TRAPPC11: variants seen among roughly 807,000 people sequenced by gnomAD.
The protein encoded by TRAPPC11 is trafficking protein particle complex subunit 11, also known as foie gras homolog.
A neutral mutation model predicts 151.2 loss-of-function variants in TRAPPC11; 104 were observed. That is an observed-to-expected ratio of 0.69 (90% CI 0.59 to 0.81). The LOEUF (loss-of-function observed/expected upper bound fraction) is 0.81. Among genes scored for constraint, TRAPPC11 ranks in the 30% least tolerant of loss-of-function variants. The probability of loss-of-function intolerance (pLI) is 0.00; values close to 1 mark genes in which losing one functional copy is unlikely to be tolerated. For missense variants in TRAPPC11, 1,230 were observed against 1,349.6 expected (o/e 0.91, Z 1.39); for synonymous variants, 456 against 472.3 (o/e 0.97, Z 0.45).
At chr4:183,692,880 GA>G in intron 19 of TRAPPC11, 79 bp from the exon 20 acceptor site, 1 of 1,326,160 alleles carries the variant, frequency 7.5e-7, no homozygotes. Context: ...CTTAGCAGTC[GA>G]CGATGTAATT....
At position 183,685,267 on chromosome 4, in the gene TRAPPC11, G is replaced by A. The variant is rs1031519374; in HGVS notation, c.1630-4G>A. 1.2e-6 allele frequency: 2 copies of A among 1,613,266 alleles called. No individual in the cohort carries two copies. The highest frequency in any genetic ancestry group is 2.2e-5 in the South Asian group (2 of 91,070). On this transcript the variant is annotated splice_polypyrimidine_tract_variant and splice_region_variant and intron_variant, in intron 16 of 29. Coordinates refer to ENST00000334690, the MANE Select transcript of TRAPPC11 (RefSeq NM_021942.6). The stretch of plus-strand genomic sequence containing the variant: ...GAATGGATGTTAACTCTGTGTTGAT[G>A]CAGAATGAAAGTCCTGATCCAGAAC...
intron 18 of TRAPPC11, among the ~76,000 whole-genome samples, chr4:183,687,029 A>C (rs1451161975): frequency 6.6e-6 from 1 of 152,038 alleles, no homozygotes; most frequent in South Asian, 2.1e-4. Context: ...AAATACAAAA[A>C]AATCTGCTGG....
At chr4:183,660,967 CT>C (rs1734473603) in intron 1 of TRAPPC11, among the ~76,000 whole-genome samples, 1 of 152,082 alleles carries the variant, frequency 6.6e-6, no homozygotes, top group South Asian at 2.1e-4. Context: ...CCGCCTTGGC[CT>C]CCCAAAGTGC....
chr4:183,702,399 GA>G (rs965757222), intron 26 of TRAPPC11, among the ~76,000 whole-genome samples: 13 of 151,220 alleles, frequency 8.6e-5, no homozygotes, highest in African/African-American at 1.9e-4. Context: ...AAAAATGGGG[GA>G]AAAAAACGTA....
At chr4:183,685,217 AGTAGT>A (rs998232002) in intron 16 of TRAPPC11, 49 bp from the exon 17 acceptor site, 21 of 1,609,448 alleles carry the variant, frequency 1.3e-5, no homozygotes, top group Non-Finnish European at 1.7e-5. Flanking sequence ...AACTAATCCA[AGTAGT>A]GGTTTTTATT....
In TRAPPC11 at chr4:183,663,984, C is replaced by T; in HGVS notation, c.117C>T (p.Ala39=). ...CAGTCCATCGAGCTGTCTGGGACGC[C>T]TTCTGTGCAAATCGGAGAGCTGATC... ...YNAVHRAVWD[A]FCANRRADRV... is the part of the protein sequence containing the mutation. Residue 39 remains alanine, a synonymous_variant, in exon 2 of 30, where the codon GCC becomes GCT. Coordinates refer to ENST00000334690, the MANE Select transcript of TRAPPC11 (RefSeq NM_021942.6). The T allele has an allele frequency of 6.2e-7, 1 of 1,614,070 alleles. No individual in the cohort carries two copies.
At position 183,669,723 on chromosome 4, in the gene TRAPPC11, G is replaced by C. The variant is rs904702426; in HGVS notation, c.560+1606G>C. 2.0e-5 allele frequency among the ~76,000 whole-genome samples: 3 copies of C among 152,270 alleles called. No individual in the cohort carries two copies. In the South Asian group the frequency reaches 6.2e-4, roughly 32 times the overall value. Reference sequence around the variant, plus strand: ...CAGGGATGTTGCCACACACTCTACAGCGTACAGGACAGCCCTGCACAACAA... The same window carrying C: ...CAGGGATGTTGCCACACACTCTACACCGTACAGGACAGCCCTGCACAACAA... On this transcript the variant is annotated intron_variant, in intron 5 of 29. Transcript: ENST00000334690.
intron 11 of TRAPPC11, 71 bp downstream of exon 11, chr4:183,682,896 T>C (rs1194018046): frequency 2.9e-6 from 3 of 1,020,040 alleles, no homozygotes; most frequent in African/African-American, 1.6e-5. Context: ...AGATTTTCCA[T>C]TGGCTGCACA....
intron 26 of TRAPPC11, among the ~76,000 whole-genome samples, chr4:183,703,837 T>A (rs1210316685): frequency 6.6e-6 from 1 of 152,220 alleles, no homozygotes; most frequent in Non-Finnish European, 1.5e-5. Flanking sequence ...TTTAACAGTT[T>A]CATAATGTTA....
Position 183,693,136 on chromosome 4 carries a change from G to C in TRAPPC11, c.2226G>C (p.Gln742His). Residue 742 changes from glutamine to histidine, a missense_variant, in exon 20 of 30, where the codon CAG becomes CAC. Physicochemically the swap from Gln to His is conservative, Grantham distance 24. Coordinates refer to ENST00000334690, the MANE Select transcript of TRAPPC11 (RefSeq NM_021942.6). The stretch of plus-strand genomic sequence containing the variant: ...TTCACTGGGACAGCATTATAATTCA[G>C]GCAAGCACAATGTAAGTCTGCTTTG... The part of the protein sequence containing the change: ...NEVHWDSIII[Q>H]ASTMIISRVP... 6.3e-7 allele frequency: 1 copy of C among 1,598,688 alleles called. No homozygotes were observed. The highest frequency in any genetic ancestry group is 8.5e-7 in the Non-Finnish European group (1 of 1,170,506).
At position 183,708,641 on chromosome 4, in the gene TRAPPC11, G is replaced by A. The variant is rs9312318; in HGVS notation, c.3357+67G>A. The A allele has an allele frequency of 0.32, 471,682 of 1,460,666 alleles. 78,306 individuals carry two copies. The highest frequency in any genetic ancestry group is 0.41 in the Middle Eastern group (2,005 of 4,938). The allele number at this position is 1,460,666 out of a possible 1,614,324, so 90.5% of individuals were successfully genotyped here. Reference sequence around the variant, plus strand: ...AAAAACAAACAGACTTCTTTTTCATGTAAACTTCACTGAACAGTATTTTGA... The same window carrying A: ...AAAAACAAACAGACTTCTTTTTCATATAAACTTCACTGAACAGTATTTTGA... On this transcript the variant is annotated intron_variant, in intron 29 of 29. Coordinates refer to ENST00000334690, the MANE Select transcript of TRAPPC11 (RefSeq NM_021942.6).
At chr4:183,664,281 A>G (rs1734728624) in intron 2 of TRAPPC11, among the ~76,000 whole-genome samples, 1 of 152,156 alleles carries the variant, frequency 6.6e-6, no homozygotes, top group Non-Finnish European at 1.5e-5. Flanking sequence ...ATTACTTTAT[A>G]AAGCTTTCTA....
chr4:183,667,166 T>A, intron 4 of TRAPPC11, 36 bp downstream of exon 4: 7 of 1,529,562 alleles, frequency 4.6e-6, no homozygotes, highest in Non-Finnish European at 6.3e-6. Flanking sequence ...AATTGTTTTA[T>A]ACCTCCAATT....
intron 29 of TRAPPC11, among the ~76,000 whole-genome samples, chr4:183,710,011 A>G (rs1737264185): frequency 6.6e-6 from 1 of 152,114 alleles, no homozygotes. Context: ...GAAGTTTGCT[A>G]TTTTTAAACT....
chr4:183,677,689 C>A, intron 8 of TRAPPC11, 135 bp downstream of exon 8: 1 of 605,688 alleles, frequency 1.7e-6, no homozygotes, highest in East Asian at 2.8e-5. Context: ...CTTTTATATC[C>A]TTTTTCTCAG....
chr4:183,703,943 A>G (rs1183650716), intron 26 of TRAPPC11, among the ~76,000 whole-genome samples: 1 of 152,226 alleles, frequency 6.6e-6, no homozygotes, highest in African/African-American at 2.4e-5. Flanking sequence ...GTGAGTTACA[A>G]TAGTGCTCTT....
chr4:183,706,539 A>C (rs1002520360), intron 27 of TRAPPC11, among the ~76,000 whole-genome samples: 8 of 151,790 alleles, frequency 5.3e-5, no homozygotes, highest in Non-Finnish European at 8.8e-5. Flanking sequence ...AAAAAAAAAG[A>C]AATGATCCTT....
In TRAPPC11 at chr4:183,697,685, C is replaced by A. The variant is rs1170589564; in HGVS notation, c.2701C>A (p.His901Asn). 1.2e-6 allele frequency: 2 copies of A among 1,613,672 alleles called. No homozygotes were observed. Among genetic ancestry groups the A allele is most frequent in the Non-Finnish European group, 1.7e-6 (2 of 1,179,884 alleles). The change falls in exon 25 of 30, where the codon CAC (histidine) becomes AAC (asparagine). Residue 901 changes from histidine to asparagine, a missense_variant. Coordinates refer to ENST00000334690, the MANE Select transcript of TRAPPC11 (RefSeq NM_021942.6). ...TTATCTTCATTTGTGACAGTTTGAG[C>A]ACCTGGAAAGGGTTTATGCTGACAT... is the stretch of plus-strand genomic sequence containing the variant. ...AVKFVSTKFEHLERVYADIPF... is the reference protein window; with the variant it reads ...AVKFVSTKFENLERVYADIPF...
chr4:183,690,128 G>A (rs1736186382), intron 18 of TRAPPC11, among the ~76,000 whole-genome samples: 1 of 152,108 alleles, frequency 6.6e-6, no homozygotes, highest in Admixed American at 6.6e-5. Context: ...GCTTGAACCT[G>A]AGAGGCGGAG....
Sources: gnomAD v4.1 joint callset for allele counts (sites outside exome capture counted in the v4.1 genomes callset) on GRCh38, gnomAD v4.1.1 for gene constraint, MANE v1.5 for transcripts, NCBI Gene and HGNC (gene_info 2026-07-23, HGNC 2026-07-21) for gene names.